RAB13: variants seen among roughly 807,000 people sequenced by gnomAD.
RAB13 encodes ras-related protein Rab-13.
Under a neutral mutation model 29.3 loss-of-function variants are expected in RAB13, and 15 were observed. That is an observed-to-expected ratio of 0.51 (90% CI 0.34 to 0.79). RAB13 has a LOEUF of 0.79. Ranked by LOEUF, RAB13 falls within the 30% of genes least tolerant of loss-of-function variation. RAB13 has a pLI of 0.01. For missense variants in RAB13, 186 were observed against 255.5 expected (o/e 0.73, Z 1.85); for synonymous variants, 82 against 93.8 (o/e 0.87, Z 0.73).
chr1:153,984,910 C>A (rs530949238), intron 1 of RAB13, 129 bp from the exon 2 acceptor site: 168 of 1,393,242 alleles, frequency 1.2e-4, no homozygotes, highest in Admixed American at 2.1e-4. Context: ...GGGGAACAAT[C>A]TTGTTGGAAA....
chr1:153,982,099 T>C lies in RAB13; in HGVS notation c.612A>G (p.Ter204TrpextTer36). The C allele has an allele frequency of 6.2e-7, 1 of 1,613,448 alleles. No homozygotes were observed. Among genetic ancestry groups the C allele is most frequent in the Non-Finnish European group, 8.5e-7 (1 of 1,179,844 alleles). Residue 204 changes from the stop codon to tryptophan, a stop_lost, in exon 8 of 8, where the codon TGA becomes TGG. Transcript: ENST00000368575. ...GGGGTGGGGAGGCAAGAAAGGGTCC[T>C]CAGCCCAGGGAGCACTTGTTGGTGT... The part of the protein sequence containing the change: ...KKNTNKCSLG[*>W]
upstream of RAB13, among the ~76,000 whole-genome samples, chr1:153,988,361 T>C (rs1383076768): frequency 6.9e-6 from 1 of 145,744 alleles, no homozygotes; most frequent in East Asian, 2.0e-4. Context: ...TGGCGCGATC[T>C]CGGTTCACTG....
At chr1:153,988,785 T>C (rs1473624453), upstream of RAB13, among the ~76,000 whole-genome samples, 3 of 149,134 alleles carry the variant, frequency 2.0e-5, 1 homozygote, top group Non-Finnish European at 4.5e-5. Context: ...GCTAATTTTG[T>C]ATTTTTAGTA....
chr1:153,983,411 C>T, intron 3 of RAB13, 110 bp downstream of exon 3: 1 of 1,468,986 alleles, frequency 6.8e-7, no homozygotes, highest in South Asian at 1.1e-5. Context: ...CCCTCTGCAA[C>T]CCACACTGCA....
At chr1:153,990,657 C>A (rs1649332277), upstream of RAB13, 3 of 1,114,998 alleles carry the variant, frequency 2.7e-6, no homozygotes, top group East Asian at 2.4e-5. Flanking sequence ...CTTGTCTCCC[C>A]ACTGCGGCGG....
At chr1:153,990,666 G>A, upstream of RAB13, 1 of 1,256,248 alleles carries the variant, frequency 8.0e-7, no homozygotes, top group African/African-American at 1.5e-5. Flanking sequence ...CCACTGCGGC[G>A]GATCAAAGTA....
Position 153,986,039 on chromosome 1 carries a change from G to C in RAB13, c.124+74C>G, listed in dbSNP as rs1274739754. 5.6e-5 allele frequency: 89 copies of C among 1,596,214 alleles called. 1 individual carries two copies. The South Asian group carries it at 9.6e-4, about 17-fold the overall frequency. Reference sequence around the variant, plus strand: ...TACTCTAAGGGGACTGAAAAGTGGGGTCACTAGTAATCCGGGAGCCGGAGA... The same window carrying C: ...TACTCTAAGGGGACTGAAAAGTGGGCTCACTAGTAATCCGGGAGCCGGAGA... On this transcript the variant is annotated intron_variant, in intron 1 of 7. Transcript: ENST00000368575.
Position 153,982,083 on chromosome 1 carries a change from AG to A in RAB13, c.*15del. The A allele has an allele frequency of 6.2e-7, 1 of 1,609,670 alleles. No homozygotes were observed. Among genetic ancestry groups the A allele is most frequent in the Non-Finnish European group, 8.5e-7 (1 of 1,176,996 alleles). ...CTCAGGTTCAGCTTCCGGGGTGGGG[AG>A]GCAAGAAAGGGTCCTCAGCCCAGGG... On this transcript the variant is annotated 3_prime_UTR_variant, in exon 8 of 8. Coordinates refer to ENST00000368575, the MANE Select transcript of RAB13 (RefSeq NM_002870.5).
chr1:153,982,546 T>G lies in RAB13; in HGVS notation c.469A>C (p.Asn157His). ...FFETSAKSSM[N>H]VDEAFSSLAR... is the part of the protein sequence containing the mutation. ...GGTGTGGATCTCACCTCATCCACAT[T>G]CATACTGGATTTAGCACTAGTTTCG... is the stretch of plus-strand genomic sequence containing the variant. The change falls in exon 6 of 8, where the codon AAT becomes CAT. Residue 157 changes from asparagine to histidine, a missense_variant. Physicochemically the swap from Asn to His is moderately conservative, Grantham distance 68 (BLOSUM62 1). Transcript: ENST00000368575. 6.2e-7 allele frequency: 1 copy of G among 1,613,398 alleles called. No individual in the cohort carries two copies. The highest frequency in any genetic ancestry group is 8.5e-7 in the Non-Finnish European group (1 of 1,179,386).
At chr1:153,987,515 C>CAA (rs775480072), upstream of RAB13, among the ~76,000 whole-genome samples, 95 of 97,030 alleles carry the variant, frequency 9.8e-4, no homozygotes, top group African/African-American at 3.4e-3. Context: ...GACTCCGTCT[C>CAA]AAAAAAAAAA....
chr1:153,985,423 A>C (rs1571129662), intron 1 of RAB13: 4 of 966,260 alleles, frequency 4.1e-6, no homozygotes, highest in Non-Finnish European at 4.9e-6. Flanking sequence ...TGTTCTTCTT[A>C]GTAGAAACTT....
chr1:153,990,631 C>A, upstream of RAB13: 4 of 825,638 alleles, frequency 4.8e-6, no homozygotes, highest in Non-Finnish European at 8.1e-6. Context: ...AAAGACCTTC[C>A]GAAAATGGCA....
intron 2 of RAB13, among the ~76,000 whole-genome samples, chr1:153,983,997 T>C (rs1393843459): frequency 6.6e-6 from 1 of 151,844 alleles, no homozygotes. Flanking sequence ...GCCAACATGG[T>C]GAAACCTCGT....
In RAB13 at chr1:153,983,561, C is replaced by T. The variant is rs1350000118; in HGVS notation, c.206G>A (p.Arg69Gln). ...LQVWDTAGQE[R>Q]FKTITTAYYR... Reference sequence around the variant, plus strand: ...GTAGGCAGTAGTTATTGTCTTGAACCGCTCTTGGCCAGCCGTGTCCCTAAA... The same window carrying T: ...GTAGGCAGTAGTTATTGTCTTGAACTGCTCTTGGCCAGCCGTGTCCCTAAA... The change falls in exon 3 of 8, where the codon CGG becomes CAG. Residue 69 changes from arginine (R) to glutamine (Q), a missense_variant. Physicochemically the swap from Arg to Gln is conservative, Grantham distance 43. Transcript: ENST00000368575. 2 of 1,611,552 alleles carry T rather than the reference C, an allele frequency of 1.2e-6. No homozygotes were observed. The highest frequency in any genetic ancestry group is 8.5e-7 in the Non-Finnish European group (1 of 1,177,712).
At chr1:153,987,966 T>A (rs911522993), upstream of RAB13, among the ~76,000 whole-genome samples, 25 of 149,156 alleles carry the variant, frequency 1.7e-4, no homozygotes, top group Admixed American at 2.7e-4. Flanking sequence ...TTCAAAAAAA[T>A]TTTTTATTTA....
chr1:153,983,868 T>C (rs1314349278), intron 2 of RAB13, among the ~76,000 whole-genome samples: 2 of 152,182 alleles, frequency 1.3e-5, no homozygotes, highest in Admixed American at 1.3e-4. Context: ...CATGTATTAT[T>C]GTCTCTATTT....
At position 153,986,130 on chromosome 1, in the gene RAB13, G is replaced by A; in HGVS notation, c.107C>T (p.Thr36Ile). Residue 36 changes from threonine (T) to isoleucine (I), a missense_variant, in exon 1 of 8, where the codon ACT becomes ATT. By Grantham distance (89) the Thr-to-Ile change is moderately conservative. Coordinates refer to ENST00000368575, the MANE Select transcript of RAB13 (RefSeq NM_002870.5). ...GGGCTCACCGATGGTGGAGATGTAA[G>A]TGTTGTTGAAGTTGTCCTCTGCAAA... Reference protein sequence around the residue: ...IRFAEDNFNNTYISTIGIDFK... With the variant: ...IRFAEDNFNNIYISTIGIDFK... 1 of 1,613,846 alleles carries A rather than the reference G, an allele frequency of 6.2e-7. No individual in the cohort carries two copies. Among genetic ancestry groups the A allele is most frequent in the African/African-American group, 1.3e-5 (1 of 75,048 alleles).
chr1:153,986,296 T>C lies in RAB13; in HGVS notation c.-60A>G. The C allele has an allele frequency of 6.9e-7, 1 of 1,439,228 alleles. No individual in the cohort carries two copies. Among genetic ancestry groups the C allele is most frequent in the South Asian group, 1.2e-5 (1 of 84,550 alleles). 89.2% of individuals were successfully genotyped at this position (1,439,228 alleles called of 1,614,324 possible). A position where few individuals can be genotyped will look rare whatever the true frequency, so the allele number is the denominator to read the frequency against. The stretch of plus-strand genomic sequence containing the variant: ...AGCGCCCGGCACTGGTAGGCGGGAC[T>C]GGACGGTTGGCAAACAGAGCGGCAC... On this transcript the variant is annotated 5_prime_UTR_variant, in exon 1 of 8. Coordinates refer to ENST00000368575, the MANE Select transcript of RAB13 (RefSeq NM_002870.5).
chr1:153,984,875 C>A, intron 1 of RAB13, 94 bp from the exon 2 acceptor site: 1 of 1,438,264 alleles, frequency 7.0e-7, no homozygotes, highest in East Asian at 2.7e-5. Context: ...GTGCTGGCAC[C>A]AGAAATTCTG....
Sources: allele counts gnomAD v4.1 joint callset (sites outside exome capture counted in the v4.1 genomes callset), GRCh38; gene constraint gnomAD v4.1.1; transcripts MANE v1.5; gene names NCBI Gene and HGNC (gene_info 2026-07-23, HGNC 2026-07-21).